The following MDGA2 variants were observed in gnomAD, a reference collection of about 807,000 sequenced individuals.
MDGA2 encodes the protein MAM domain-containing glycosylphosphatidylinositol anchor protein 2.
A neutral mutation model predicts 117.8 loss-of-function variants in MDGA2; 40 were observed. The ratio of observed to expected loss-of-function variants is 0.34; its 90% CI spans 0.26 to 0.44. MDGA2 has a LOEUF of 0.44. Among genes scored for constraint, MDGA2 ranks in the 20% least tolerant of loss-of-function variants. The pLI, the probability that MDGA2 is intolerant of heterozygous loss-of-function variation, is 1.00. For synonymous variants in MDGA2, 452 were observed against 439.0 expected, an observed-to-expected ratio of 1.03 and a Z score of -0.37; for missense variants, 1,123 against 1,250.6, an observed-to-expected ratio of 0.90 and a Z score of 1.54.
chr14:47,035,984 T>A (rs576747467), intron 7 of MDGA2, among the ~76,000 whole-genome samples: 39 of 152,170 alleles, frequency 2.6e-4, no homozygotes, highest in African/African-American at 9.4e-4. Flanking sequence ...AAAATTATAA[T>A]TTTGGTCTTG....
chr14:47,148,326 C>G (rs1043672415), intron 3 of MDGA2, among the ~76,000 whole-genome samples: 2 of 152,082 alleles, frequency 1.3e-5, no homozygotes, highest in African/African-American at 4.8e-5. Context: ...ATAGTGAGGT[C>G]ACTTCTTGGT....
chr14:47,191,853 C>T (rs760899878), intron 3 of MDGA2, among the ~76,000 whole-genome samples: 1 of 151,160 alleles, frequency 6.6e-6, no homozygotes, highest in South Asian at 2.1e-4. Flanking sequence ...ATGAACCCAC[C>T]CATGATGAGC....
chr14:47,053,601 GTATATATATATATATATA>G lies in MDGA2; in HGVS notation c.1525+7630_1525+7647del, dbSNP rs373802720. Among the ~76,000 whole-genome samples the G allele has an allele frequency of 2.3e-3, 247 of 107,580 alleles. 6 individuals are homozygous for G. The highest frequency in any genetic ancestry group is 0.017 in the Middle Eastern group (3 of 178). The allele number at this position is 107,580 out of a possible 152,430, so 70.6% of individuals were successfully genotyped here. A position where few individuals can be genotyped will look rare whatever the true frequency, so the allele number is the denominator to read the frequency against. ...TAGCAAATACTCCTAGTGTGTATGT[GTATATATATATATATATA>G]TATATATATATATATATATATATAT... On this transcript the variant is annotated intron_variant, in intron 7 of 16. Coordinates refer to ENST00000399232, the MANE Select transcript of MDGA2 (RefSeq NM_001113498.3).
At chr14:47,504,454 A>T (rs1450056241) in intron 1 of MDGA2, among the ~76,000 whole-genome samples, 1 of 152,130 alleles carries the variant, frequency 6.6e-6, no homozygotes, top group Non-Finnish European at 1.5e-5. Context: ...TTATATTGTA[A>T]TATTACAAGA....
chr14:47,510,673 T>C (rs1009407746), intron 1 of MDGA2, among the ~76,000 whole-genome samples: 1 of 152,212 alleles, frequency 6.6e-6, no homozygotes, highest in Admixed American at 6.5e-5. Flanking sequence ...TAAGGATAAA[T>C]GGGAAGCCTT....
At chr14:47,439,074 C>T (rs1209366514) in intron 1 of MDGA2, among the ~76,000 whole-genome samples, 1 of 152,050 alleles carries the variant, frequency 6.6e-6, no homozygotes, top group Non-Finnish European at 1.5e-5. Flanking sequence ...GTCCTTTTGT[C>T]TTGCTCAGCA....
chr14:46,976,550 C>T (rs1886466758), intron 8 of MDGA2, among the ~76,000 whole-genome samples: 1 of 151,672 alleles, frequency 6.6e-6, no homozygotes, highest in Admixed American at 6.6e-5. Context: ...TTTACATTAT[C>T]TAGCATGCAT....
intron 2 of MDGA2, among the ~76,000 whole-genome samples, chr14:47,292,613 G>C (rs1310910398): frequency 6.6e-6 from 1 of 151,866 alleles, no homozygotes; most frequent in Non-Finnish European, 1.5e-5. Context: ...TAAATCCTTT[G>C]AAGGAAGGAT....
rs1240235059 is a variant in MDGA2 at position 46,957,599 on chromosome 14, G to C, written c.1864C>G (p.Gln622Glu). 1 of 1,614,006 alleles carries C rather than the reference G, an allele frequency of 6.2e-7. No individual in the cohort carries two copies. Among genetic ancestry groups the C allele is most frequent in the African/African-American group, 1.3e-5 (1 of 74,916 alleles). Residue 622 changes from glutamine (Q) to glutamate (E), a missense_variant, in exon 9 of 17, where the codon CAG becomes GAG. Physicochemically the swap from Gln to Glu is conservative, Grantham distance 29. This residue lies in a region of MDGA2 where 890 missense variants were observed against 1,050.3 expected (regional missense o/e 0.85). Coordinates refer to ENST00000399232, the MANE Select transcript of MDGA2 (RefSeq NM_001113498.3). ...EPAFLEIRQG[Q>E]DRSVTMSCRV... Reference sequence around the variant, plus strand: ...CAACTCATAGTGACACTTCGATCCTGTCCTTGCCGGATTTCCAAGAATGCT... The same window carrying C: ...CAACTCATAGTGACACTTCGATCCTCTCCTTGCCGGATTTCCAAGAATGCT...
intron 5 of MDGA2, among the ~76,000 whole-genome samples, chr14:47,127,644 T>C (rs1166333282): frequency 6.6e-6 from 1 of 152,092 alleles, no homozygotes; most frequent in Non-Finnish European, 1.5e-5. Flanking sequence ...TTTATAAAGG[T>C]GAATAATAGG....
intron 9 of MDGA2, among the ~76,000 whole-genome samples, chr14:46,936,063 A>C (rs1884769268): frequency 6.6e-6 from 1 of 152,182 alleles, no homozygotes. Flanking sequence ...ACAGTCATAC[A>C]TATATAATTT....
chr14:47,506,696 C>T (rs149561179), intron 1 of MDGA2, among the ~76,000 whole-genome samples: 22 of 152,274 alleles, frequency 1.4e-4, no homozygotes, highest in South Asian at 2.1e-4. Flanking sequence ...AAAATACACA[C>T]AGGAATTTCC....
chr14:47,485,676 C>T (rs2138643124), intron 1 of MDGA2, among the ~76,000 whole-genome samples: 1 of 152,260 alleles, frequency 6.6e-6, no homozygotes, highest in African/African-American at 2.4e-5. Context: ...CTCAGGGTCC[C>T]TGTGTGCAAC....
chr14:47,115,848 A>C (rs184098842), intron 5 of MDGA2, among the ~76,000 whole-genome samples: 21 of 152,118 alleles, frequency 1.4e-4, no homozygotes, highest in Middle Eastern at 3.4e-3. Context: ...GAAAATCAAA[A>C]AGGTTTTCCT....
intron 7 of MDGA2, among the ~76,000 whole-genome samples, chr14:47,037,018 C>A (rs1390208888): frequency 1.3e-5 from 2 of 152,196 alleles, no homozygotes; most frequent in Admixed American, 1.3e-4. Context: ...AAAACGGCTC[C>A]ATTTTATAAA....
chr14:47,136,886 T>C (rs1388315522), intron 4 of MDGA2, among the ~76,000 whole-genome samples: 1 of 152,198 alleles, frequency 6.6e-6, no homozygotes, highest in East Asian at 1.9e-4. Context: ...AAGATAGATT[T>C]ATGAAGCTGC....
At chr14:46,928,226 T>TA (rs928983646) in intron 9 of MDGA2, among the ~76,000 whole-genome samples, 2 of 152,078 alleles carry the variant, frequency 1.3e-5, no homozygotes, top group African/African-American at 4.8e-5. Context: ...AGCATTATTT[T>TA]AAAAAAATTC....
intron 1 of MDGA2, among the ~76,000 whole-genome samples, chr14:47,539,873 G>A (rs1895302085): frequency 6.6e-6 from 1 of 152,162 alleles, no homozygotes; most frequent in Non-Finnish European, 1.5e-5. Context: ...TTCTCCCACT[G>A]GTTCATTCCA....
chr14:47,528,173 C>T (rs1895012185), intron 1 of MDGA2, among the ~76,000 whole-genome samples: 1 of 152,206 alleles, frequency 6.6e-6, no homozygotes, highest in Non-Finnish European at 1.5e-5. Flanking sequence ...CAGGCCTGTT[C>T]TTCTCAGTGC....
Sources: gnomAD v4.1 joint callset for allele counts (sites outside exome capture counted in the v4.1 genomes callset) on GRCh38, gnomAD v4.1.1 for gene constraint, gnomAD v4.1.1 regional missense constraint, MANE v1.5 for transcripts, NCBI Gene and HGNC (gene_info 2026-07-23, HGNC 2026-07-21) for gene names.